DNAJA2: variants seen among roughly 807,000 people sequenced by gnomAD.
DNAJA2 encodes dnaJ homolog subfamily A member 2.
Under a neutral mutation model 49.3 loss-of-function variants are expected in DNAJA2, and 6 were observed. The ratio of observed to expected loss-of-function variants is 0.12; its 90% CI spans 0.07 to 0.24. The LOEUF is 0.24. DNAJA2 is among the 10% of genes least tolerant of loss of function. DNAJA2 has a pLI of 1.00. For missense variants in DNAJA2, 347 were observed against 516.8 expected (o/e 0.67, Z 3.19); for synonymous variants, 160 against 172.7 (o/e 0.93, Z 0.58).
intron 6 of DNAJA2, among the ~76,000 whole-genome samples, chr16:46,961,445 T>G (rs963095229): frequency 3.3e-5 from 5 of 151,702 alleles, no homozygotes; most frequent in Admixed American, 6.6e-5. Context: ...TCCTAGCACT[T>G]TGGGAGGCCG....
chr16:46,959,681 C>T, intron 6 of DNAJA2: 1 of 354,922 alleles, frequency 2.8e-6, no homozygotes, highest in Non-Finnish European at 5.2e-6. Context: ...GCCCTCAAAA[C>T]AGTGCCAGGT....
chr16:46,971,175 G>A (rs776537349), intron 3 of DNAJA2, among the ~76,000 whole-genome samples, 174 bp downstream of exon 3: 2 of 152,098 alleles, frequency 1.3e-5, no homozygotes, highest in African/African-American at 2.4e-5. Flanking sequence ...GAGCTACAGC[G>A]AAATAGAAAC....
Position 46,971,518 on chromosome 16 carries a change from A to G in DNAJA2, c.193T>C (p.Leu65=), listed in dbSNP as rs1262235740. Residue 65 remains leucine (L), a synonymous_variant, in exon 3 of 9, where the codon TTA becomes CTA. Transcript: ENST00000317089. ...CCTTGCTCTCCGTATCTGTCATATAACTCACGCTTCTCAGGATTTGATAGT... is the reference window on the plus strand; with the variant it reads ...CCTTGCTCTCCGTATCTGTCATATAGCTCACGCTTCTCAGGATTTGATAGT... ...EVLSNPEKRE[L]YDRYGEQGLR... is the part of the protein sequence containing the mutation. 6.2e-7 allele frequency: 1 copy of G among 1,611,086 alleles called. No individual in the cohort carries two copies. The highest frequency in any genetic ancestry group is 8.5e-7 in the Non-Finnish European group (1 of 1,179,258).
In DNAJA2 at chr16:46,967,461, T is replaced by C. The variant is rs1961988461; in HGVS notation, c.577+52A>G. Reference sequence around the variant, plus strand: ...AAAAATTGTAAACCTCTCCAATATCTGCATTCCCAATCCATTCCAACATAA... The same window carrying C: ...AAAAATTGTAAACCTCTCCAATATCCGCATTCCCAATCCATTCCAACATAA... On this transcript the variant is annotated intron_variant, in intron 5 of 8. Coordinates refer to ENST00000317089, the MANE Select transcript of DNAJA2 (RefSeq NM_005880.4). The C allele has an allele frequency of 1.7e-5, 28 of 1,608,682 alleles. No homozygotes were observed. In the South Asian group the frequency reaches 3.0e-4, roughly 17 times the overall value.
intron 1 of DNAJA2, 129 bp from the exon 2 acceptor site, chr16:46,972,084 C>A: frequency 1.4e-6 from 1 of 694,438 alleles, no homozygotes; most frequent in Non-Finnish European, 2.5e-6. Flanking sequence ...ATTTTCTATT[C>A]GTAGGGATTC....
At chr16:46,965,346 C>G (rs1961953682) in intron 5 of DNAJA2, among the ~76,000 whole-genome samples, 1 of 152,174 alleles carries the variant, frequency 6.6e-6, no homozygotes, top group Non-Finnish European at 1.5e-5. Flanking sequence ...CACAGCTTTT[C>G]TCTTATAATT....
chr16:46,959,895 C>T (rs1057133257), intron 6 of DNAJA2, among the ~76,000 whole-genome samples: 34 of 152,146 alleles, frequency 2.2e-4, no homozygotes, highest in Non-Finnish European at 4.1e-4. Flanking sequence ...GGCTCAATTC[C>T]GTGCTTCACA....
At chr16:46,964,872 C>G in intron 5 of DNAJA2, 65 bp from the exon 6 acceptor site, 3 of 1,287,842 alleles carry the variant, frequency 2.3e-6, no homozygotes, top group Non-Finnish European at 3.2e-6. Context: ...TACCCTTATT[C>G]TTTAAATATG....
At chr16:46,972,051 T>A in intron 1 of DNAJA2, 96 bp from the exon 2 acceptor site, 1 of 881,322 alleles carries the variant, frequency 1.1e-6, no homozygotes, top group Non-Finnish European at 1.9e-6. Flanking sequence ...AGTAATGTTC[T>A]AGAGTTATAA....
Position 46,966,574 on chromosome 16 carries a change from G to A in DNAJA2, c.577+939C>T, listed in dbSNP as rs1409334868. On this transcript the variant is annotated intron_variant, in intron 5 of 8. Transcript: ENST00000317089. ...GGATAGCACTGCTCTAGAATGGCAGGGGTGGGAGGAGCTATGTGTTTTTAT... is the reference window on the plus strand; with the variant it reads ...GGATAGCACTGCTCTAGAATGGCAGAGGTGGGAGGAGCTATGTGTTTTTAT... Among the ~76,000 whole-genome samples, 3 of 152,316 alleles carry A rather than the reference G, an allele frequency of 2.0e-5. No homozygotes were observed. In the East Asian group the frequency reaches 5.8e-4, roughly 29 times the overall value.
At position 46,957,030 on chromosome 16, in the gene DNAJA2, T is replaced by C; in HGVS notation, c.1238A>G (p.Ter413=). 1 of 1,614,190 alleles carries C rather than the reference T, an allele frequency of 6.2e-7. No individual in the cohort carries two copies. The highest frequency in any genetic ancestry group is 8.5e-7 in the Non-Finnish European group (1 of 1,180,024). ...HGPGVQCAHQ[*] ...ACCTGTGCAATTTGTTTGCAGAGTT[T>C]ACTGATGGGCACACTGCACTCCAGG... is the stretch of plus-strand genomic sequence containing the variant. Residue 413 remains the stop codon, a stop_retained_variant, in exon 9 of 9, where the codon TAA becomes TGA. Coordinates refer to ENST00000317089, the MANE Select transcript of DNAJA2 (RefSeq NM_005880.4).
In DNAJA2 at chr16:46,957,059, A is replaced by C. The variant is rs991599545; in HGVS notation, c.1209T>G (p.His403Gln). Residue 403 changes from histidine to glutamine, a missense_variant, in exon 9 of 9, where the codon CAT becomes CAG. Physicochemically the swap from His to Gln is conservative, Grantham distance 24. Coordinates refer to ENST00000317089, the MANE Select transcript of DNAJA2 (RefSeq NM_005880.4). ...GATGGGCACACTGCACTCCAGGTCC[A>C]TGATGGCTGCTGCTTTCTTCATCAG... Reference protein sequence around the residue: ...DSSDEESSSHHGPGVQCAHQ With the variant: ...DSSDEESSSHQGPGVQCAHQ 1.1e-5 allele frequency: 18 copies of C among 1,613,984 alleles called. No homozygotes were observed. The highest frequency in any genetic ancestry group is 1.5e-5 in the Non-Finnish European group (18 of 1,180,008).
At position 46,973,608 on chromosome 16, in the gene DNAJA2, C is replaced by G; in HGVS notation, c.-36G>C. ...CGGGCAGTGCTCGGGGAGAAGGTGG[C>G]GAAGCAGACAGAGCGGAGTCGGGCC... On this transcript the variant is annotated 5_prime_UTR_variant, in exon 1 of 9. Coordinates refer to ENST00000317089, the MANE Select transcript of DNAJA2 (RefSeq NM_005880.4). 1 of 1,582,806 alleles carries G rather than the reference C, an allele frequency of 6.3e-7. No homozygotes were observed. Among genetic ancestry groups the G allele is most frequent in the Non-Finnish European group, 8.5e-7 (1 of 1,171,182 alleles).
At chr16:46,962,413 T>A (rs1240775765) in intron 6 of DNAJA2, among the ~76,000 whole-genome samples, 3 of 152,174 alleles carry the variant, frequency 2.0e-5, no homozygotes, top group Non-Finnish European at 4.4e-5. Context: ...AAATAAGCAT[T>A]CCTTCTTCAC....
At chr16:46,970,205 G>C (rs1962024707) in intron 3 of DNAJA2, among the ~76,000 whole-genome samples, 1 of 152,212 alleles carries the variant, frequency 6.6e-6, no homozygotes, top group Admixed American at 6.5e-5. Flanking sequence ...ATTTTGCAAA[G>C]TGAAACAGCT....
intron 2 of DNAJA2, 146 bp from the exon 3 acceptor site, chr16:46,971,718 C>T: frequency 1.2e-6 from 1 of 805,640 alleles, no homozygotes; most frequent in Non-Finnish European, 2.0e-6. Context: ...CTATTTACCA[C>T]CCACCGCTCC....
intron 6 of DNAJA2, among the ~76,000 whole-genome samples, chr16:46,963,380 TAC>T (rs1961925424): frequency 6.6e-6 from 1 of 151,928 alleles, no homozygotes; most frequent in Non-Finnish European, 1.5e-5. Context: ...CAAAATAACA[TAC>T]ACTAGGCTGG....
At position 46,971,417 on chromosome 16, in the gene DNAJA2, G is replaced by A. The variant is rs751608612; in HGVS notation, c.294C>T (p.Gly98=). The change falls in exon 3 of 9, where the codon GGC becomes GGT. Residue 98 remains glycine (G), a synonymous_variant. Coordinates refer to ENST00000317089, the MANE Select transcript of DNAJA2 (RefSeq NM_005880.4). ...GACTTCTACTCTGATTGCCCATGAA[G>A]CCGAACAATCCCCCACCAAAAATGT... ...FSHIFGGGLF[G]FMGNQSRSRN... The A allele has an allele frequency of 3.1e-6, 5 of 1,613,948 alleles. No homozygotes were observed. The highest frequency in any genetic ancestry group is 1.6e-4 in the Middle Eastern group (1 of 6,062).
rs1321899141 is a variant in DNAJA2, at chr16:46,955,735, C to A, written c.*1294G>T. 1 of 152,160 alleles carries A rather than the reference C, an allele frequency of 6.6e-6. No individual in the cohort carries two copies. The highest frequency in any genetic ancestry group is 1.9e-4 in the East Asian group (1 of 5,196). The allele number at this position is 152,160 out of a possible 1,614,324, so 9.4% of individuals were successfully genotyped here. A position where few individuals can be genotyped will look rare whatever the true frequency, so the allele number is the denominator to read the frequency against. ...ATGTAAAATTGTGCATCTGATGTCT[C>A]TTTCCTCAAATAAGTGTGTTCTAAA... On this transcript the variant is annotated 3_prime_UTR_variant, in exon 9 of 9. Coordinates refer to ENST00000317089, the MANE Select transcript of DNAJA2 (RefSeq NM_005880.4).
Sources: gnomAD v4.1 joint callset for allele counts (sites outside exome capture counted in the v4.1 genomes callset) on GRCh38, gnomAD v4.1.1 for gene constraint, MANE v1.5 for transcripts, NCBI Gene and HGNC (gene_info 2026-07-23, HGNC 2026-07-21) for gene names.